Variants in MAPK8IP3 observed in about 807,000 individuals in gnomAD.
MAPK8IP3 encodes the protein C-Jun-amino-terminal kinase-interacting protein 3.
MAPK8IP3 carries 49 observed loss-of-function variants against 157.8 expected under a neutral mutation model. That is an observed-to-expected ratio of 0.31 (90% confidence interval 0.25 to 0.39). MAPK8IP3 has a LOEUF of 0.39. Ranked by LOEUF, MAPK8IP3 falls within the 10% of genes least tolerant of loss-of-function variation. The pLI is 1.00. For missense variants in MAPK8IP3, 1,478 were observed against 1,889.4 expected (o/e 0.78, Z 4.04); for synonymous variants, 897 against 777.7 (o/e 1.15, Z -2.55).
intron 1 of MAPK8IP3, among the ~76,000 whole-genome samples, chr16:1,719,819 A>G (rs2038402702): frequency 6.6e-6 from 1 of 152,150 alleles, no homozygotes; most frequent in Non-Finnish European, 1.5e-5. Context: ...TGTCCCCAAA[A>G]AATTGAAAAA....
chr16:1,739,772 G>A (rs552411474), intron 4 of MAPK8IP3, among the ~76,000 whole-genome samples: 3 of 122,474 alleles, frequency 2.4e-5, no homozygotes, highest in South Asian at 4.1e-4. Context: ...CCATGTGAGC[G>A]TGTCACCGTC....
intron 4 of MAPK8IP3, among the ~76,000 whole-genome samples, chr16:1,736,619 C>T (rs575086676): frequency 2.5e-4 from 11 of 43,364 alleles, no homozygotes; most frequent in East Asian, 6.1e-4. Flanking sequence ...TGTGACCGTC[C>T]GTGTGAGCGT....
intron 28 of MAPK8IP3, 26 bp downstream of exon 28, chr16:1,767,944 G>T (rs769092471): frequency 1.2e-6 from 2 of 1,606,326 alleles, no homozygotes; most frequent in East Asian, 4.5e-5. Context: ...ACCTGCAGGG[G>T]CAGTGGTGCT....
chr16:1,744,670 G>C, intron 5 of MAPK8IP3: 1 of 985,494 alleles, frequency 1.0e-6, no homozygotes, highest in Non-Finnish European at 1.2e-6. Context: ...GCCTCAGCCG[G>C]GGGGAGCCCT....
intron 1 of MAPK8IP3, chr16:1,707,956 A>G (rs1183523636): frequency 6.6e-6 from 1 of 152,264 alleles, no homozygotes; most frequent in African/African-American, 2.4e-5. Context: ...AAGCGTGTTT[A>G]TAAAAATCAT....
rs1294794419 is a variant in MAPK8IP3, at chr16:1,742,487, A to AGGCTCC, written c.603-840_603-835dup. 6.6e-6 allele frequency among the ~76,000 whole-genome samples: 1 copy of AGGCTCC among 152,204 alleles called. No homozygotes were observed. The highest frequency in any genetic ancestry group is 1.5e-5 in the Non-Finnish European group (1 of 68,032). ...GAGGGAGAAGACGCCCCTCAGGCTC[A>AGGCTCC]GGCTCCGGCTGCAGCAGATGAGACG... On this transcript the variant is annotated intron_variant, in intron 4 of 31. Coordinates refer to ENST00000610761, the MANE Select transcript of MAPK8IP3 (RefSeq NM_001318852.2). The surrounding 1 kb of genome is among the most constrained non-coding windows in gnomAD (Gnocchi z 5.0).
chr16:1,706,222 C>G lies in MAPK8IP3; in HGVS notation c.-118C>G, dbSNP rs1329356707. On this transcript the variant is annotated 5_prime_UTR_variant, in exon 1 of 32. Coordinates refer to ENST00000610761, the MANE Select transcript of MAPK8IP3 (RefSeq NM_001318852.2). This position sits in a 1 kb window ranked among gnomAD's most constrained non-coding sequence, Gnocchi z 5.1. The stretch of plus-strand genomic sequence containing the variant: ...CCTCGGCAGCGGCGGCGGCGGAGCC[C>G]TGAGGCGACAGCAGCTGCGGGAGGC... 7.5e-6 allele frequency: 7 copies of G among 933,624 alleles called. No homozygotes were observed. Among genetic ancestry groups the G allele is most frequent in the Non-Finnish European group, 1.0e-5 (7 of 686,730 alleles). The allele number at this position is 933,624 out of a possible 1,614,324, so 57.8% of individuals were successfully genotyped here. A position where few individuals can be genotyped will look rare whatever the true frequency, so the allele number is the denominator to read the frequency against.
At chr16:1,726,254 G>A (rs1313928451) in intron 2 of MAPK8IP3, among the ~76,000 whole-genome samples, 2 of 152,192 alleles carry the variant, frequency 1.3e-5, no homozygotes, top group South Asian at 2.1e-4. Context: ...CCTAAGACCC[G>A]TGCTGAGCAT....
rs1199980495 is a variant in MAPK8IP3 at position 1,764,126 on chromosome 16, C to G, written c.2037C>G (p.Asn679Lys). ...LPAKYKQLSPNGGQEDTRMKN... is the reference protein window; with the variant it reads ...LPAKYKQLSPKGGQEDTRMKN... ...CCTGCTCCCTGCAGCTGAGTCCCAA[C>G]GGGGGCCAGGAGGACACGCGGATGA... is the stretch of plus-strand genomic sequence containing the variant. Residue 679 changes from asparagine (N) to lysine (K), a missense_variant, in exon 18 of 32, where the codon AAC becomes AAG. Physicochemically the swap from Asn to Lys is moderately conservative, Grantham distance 94. Transcript: ENST00000610761. 6.2e-7 allele frequency: 1 copy of G among 1,609,378 alleles called. No individual in the cohort carries two copies. Among genetic ancestry groups the G allele is most frequent in the Admixed American group, 1.7e-5 (1 of 59,864 alleles).
At position 1,706,729 on chromosome 16, in the gene MAPK8IP3, A is replaced by G. The variant is rs1433949083; in HGVS notation, c.318+72A>G. On this transcript the variant is annotated intron_variant, in intron 1 of 31. Coordinates refer to ENST00000610761, the MANE Select transcript of MAPK8IP3 (RefSeq NM_001318852.2). This position sits in a 1 kb window ranked among gnomAD's most constrained non-coding sequence, Gnocchi z 5.1. Reference sequence around the variant, plus strand: ...GCCAGCCCCGGGCCCCGGACCCAACACCCGTCCCGACCCCAGACCCCGCTC... The same window carrying G: ...GCCAGCCCCGGGCCCCGGACCCAACGCCCGTCCCGACCCCAGACCCCGCTC... The G allele has an allele frequency of 2.9e-6, 4 of 1,392,436 alleles. No individual in the cohort carries two copies. Among genetic ancestry groups the G allele is most frequent in the Non-Finnish European group, 3.8e-6 (4 of 1,063,016 alleles). The allele number at this position is 1,392,436 out of a possible 1,614,324, so 86.3% of individuals were successfully genotyped here. A position where few individuals can be genotyped will look rare whatever the true frequency, so the allele number is the denominator to read the frequency against.
At chr16:1,734,048 G>A (rs1443122282) in intron 4 of MAPK8IP3, among the ~76,000 whole-genome samples, 2 of 152,238 alleles carry the variant, frequency 1.3e-5, no homozygotes, top group Admixed American at 1.3e-4. Flanking sequence ...TGTGGGAGAG[G>A]GAGGGGTCTC....
At chr16:1,760,226 G>A (rs937859164) in intron 11 of MAPK8IP3, 154 bp from the exon 12 acceptor site, 5 of 1,062,536 alleles carry the variant, frequency 4.7e-6, no homozygotes, top group Non-Finnish European at 6.8e-6. Context: ...GTGCTATAGG[G>A]TTTAGCTAAG....
Position 1,706,320 on chromosome 16 carries a change from TGGC to T in MAPK8IP3, c.-11_-9del. On this transcript the variant is annotated 5_prime_UTR_variant, in exon 1 of 32. Transcript: ENST00000610761. The surrounding 1 kb of genome is among the most constrained non-coding windows in gnomAD (Gnocchi z 5.1). ...GCGCCGGCCGGATAGCGAGCCGCGC[TGGC>T]GGCGGCGGTGGCCGCGATGATGGAG... 2 of 1,535,116 alleles carry T rather than the reference TGGC, an allele frequency of 1.3e-6. No homozygotes were observed. The highest frequency in any genetic ancestry group is 1.2e-5 in the South Asian group (1 of 83,846).
At chr16:1,715,897 T>G (rs1483846663) in intron 1 of MAPK8IP3, among the ~76,000 whole-genome samples, 1 of 152,030 alleles carries the variant, frequency 6.6e-6, no homozygotes, top group Non-Finnish European at 1.5e-5. Flanking sequence ...AGCTGATTTT[T>G]TGTATTTTTA....
intron 30 of MAPK8IP3, 34 bp downstream of exon 30, chr16:1,768,412 C>A (rs1184653075): frequency 6.3e-7 from 1 of 1,598,422 alleles, no homozygotes; most frequent in Admixed American, 1.7e-5. Context: ...TCCACATCCC[C>A]TGCATGCCAG....
intron 4 of MAPK8IP3, among the ~76,000 whole-genome samples, chr16:1,739,278 G>T (rs905028693): frequency 1.5e-5 from 2 of 131,996 alleles, no homozygotes; most frequent in African/African-American, 5.9e-5. Context: ...CCGTCCGTGT[G>T]AGCATCCATG....
chr16:1,743,273 G>A lies in MAPK8IP3; in HGVS notation c.603-59G>A, dbSNP rs527606467. ...GGTCTGCTTGCCCTGGGAGGGCTTG[G>A]GAAATCTTCACGGCCACCCTCTAAC... is the stretch of plus-strand genomic sequence containing the variant. On this transcript the variant is annotated intron_variant, in intron 4 of 31. Transcript: ENST00000610761. This position sits in a 1 kb window ranked among gnomAD's most constrained non-coding sequence, Gnocchi z 5.6. The A allele has an allele frequency of 1.4e-4, 211 of 1,477,758 alleles. 1 individual carries two copies. The highest frequency in any genetic ancestry group is 1.2e-3 in the Middle Eastern group (7 of 5,660). 91.5% of individuals were successfully genotyped at this position (1,477,758 alleles called of 1,614,324 possible).
rs750615485 is a variant in MAPK8IP3 at position 1,766,049 on chromosome 16, G to A, written c.2536G>A (p.Gly846Ser). The change falls in exon 21 of 32, where the codon GGT becomes AGT. Residue 846 changes from glycine (G) to serine (S), a missense_variant. By Grantham distance (56) the Gly-to-Ser change is moderately conservative. Coordinates refer to ENST00000610761, the MANE Select transcript of MAPK8IP3 (RefSeq NM_001318852.2). The part of the protein sequence containing the change: ...EDPGADGVLA[G>S]ITLVGCATRC... Reference sequence around the variant, plus strand: ...CCCGGGCGCAGATGGCGTGCTGGCCGGTATCACCCTGGTGGGCTGTGCCAC... The same window carrying A: ...CCCGGGCGCAGATGGCGTGCTGGCCAGTATCACCCTGGTGGGCTGTGCCAC... 1.1e-5 allele frequency: 17 copies of A among 1,612,690 alleles called. No homozygotes were observed. Among genetic ancestry groups the A allele is most frequent in the African/African-American group, 5.3e-5 (4 of 74,932 alleles).
chr16:1,735,221 C>T (rs1300196371), intron 4 of MAPK8IP3, among the ~76,000 whole-genome samples: 3 of 152,180 alleles, frequency 2.0e-5, no homozygotes, highest in Non-Finnish European at 4.4e-5. Context: ...CCTGGCCGTC[C>T]GTGTGAGCGT....
Sources: allele counts gnomAD v4.1 joint callset (sites outside exome capture counted in the v4.1 genomes callset), GRCh38; gene constraint gnomAD v4.1.1; non-coding constraint Gnocchi (gnomAD v3.1); transcripts MANE v1.5; gene names NCBI Gene and HGNC (gene_info 2026-07-23, HGNC 2026-07-21).